Variants in PFKL observed in about 807,000 individuals in gnomAD.
PFKL encodes the protein ATP-dependent 6-phosphofructokinase, liver type.
PFKL carries 74 observed loss-of-function variants against 92.1 expected under a neutral mutation model. That is an observed-to-expected ratio of 0.80 (90% CI 0.67 to 0.97). PFKL has a LOEUF of 0.97. Ranked by LOEUF, PFKL falls within the 50% of genes least tolerant of loss-of-function variation. The probability of loss-of-function intolerance (pLI) is 0.00; values close to 1 mark genes in which losing one functional copy is unlikely to be tolerated. For synonymous variants in PFKL, 494 were observed against 456.4 expected, an observed-to-expected ratio of 1.08 and a Z score of -1.05; for missense variants, 1,028 against 1,116.6, an observed-to-expected ratio of 0.92 and a Z score of 1.13.
At chr21:44,300,242 G>T (rs1451403023) in intron 1 of PFKL, 52 bp downstream of exon 1, 2 of 883,310 alleles carry the variant, frequency 2.3e-6, no homozygotes, top group Non-Finnish European at 2.8e-6. Flanking sequence ...GGGCGCCTCC[G>T]CCCTGGCCTC....
chr21:44,313,947 G>A lies in PFKL; in HGVS notation c.673G>A (p.Ala225Thr), dbSNP rs745419153. ...LALVSALASGADWLFIPEAPP... is the reference protein window; with the variant it reads ...LALVSALASGTDWLFIPEAPP... ...GCTGGTATCTGCACTGGCCTCAGGG[G>A]CCGACTGGCTGTTCATCCCCGAGGC... Residue 225 changes from alanine (A) to threonine (T), a missense_variant, in exon 7 of 22, where the codon GCC (alanine) becomes ACC (threonine). Coordinates refer to ENST00000349048, the MANE Select transcript of PFKL (RefSeq NM_002626.6). The A allele has an allele frequency of 6.2e-7, 1 of 1,605,654 alleles. No individual in the cohort carries two copies. Among genetic ancestry groups the A allele is most frequent in the Non-Finnish European group, 8.5e-7 (1 of 1,177,648 alleles).
chr21:44,305,376 G>A (rs1428177756), intron 1 of PFKL: 2 of 1,364,276 alleles, frequency 1.5e-6, no homozygotes, highest in Non-Finnish European at 2.0e-6. Context: ...GGGTCTCCAT[G>A]TTCAAGGGAG....
intron 21 of PFKL, 50 bp downstream of exon 21, chr21:44,326,314 C>A (rs1429055560): frequency 4.3e-6 from 6 of 1,384,876 alleles, no homozygotes; most frequent in Non-Finnish European, 6.1e-6. Context: ...AGGGGTGGCC[C>A]AGACCTTCCC....
intron 1 of PFKL, chr21:44,304,298 C>T (rs2040863182): frequency 7.8e-7 from 1 of 1,289,130 alleles, no homozygotes; most frequent in Non-Finnish European, 1.0e-6. Flanking sequence ...CCCACCAGGC[C>T]CCCTGCTGAG....
chr21:44,324,371 T>C (rs1333043536), intron 16 of PFKL, 120 bp from the exon 17 acceptor site: 4 of 996,600 alleles, frequency 4.0e-6, no homozygotes, highest in Non-Finnish European at 5.9e-6. Flanking sequence ...GCTGGCTGTC[T>C]GGGTGCGTCA....
chr21:44,324,716 C>T lies in PFKL; in HGVS notation c.1815+61C>T, dbSNP rs576427120. 36 of 1,560,150 alleles carry T rather than the reference C, an allele frequency of 2.3e-5. No homozygotes were observed. The African/African-American group carries it at 4.2e-4, about 18-fold the overall frequency. On this transcript the variant is annotated intron_variant, in intron 17 of 21. Coordinates refer to ENST00000349048, the MANE Select transcript of PFKL (RefSeq NM_002626.6). Reference sequence around the variant, plus strand: ...CCGGCATGCCAGCCTGGGCCCCAGACACTCAGGCCGGCCAGCGCAGGGCAG... The same window carrying T: ...CCGGCATGCCAGCCTGGGCCCCAGATACTCAGGCCGGCCAGCGCAGGGCAG...
At chr21:44,319,663 G>A (rs1290320101) in intron 11 of PFKL, 1 of 575,338 alleles carries the variant, frequency 1.7e-6, no homozygotes. Flanking sequence ...GCGAGGGGAT[G>A]AGAAGCTGTG....
At chr21:44,322,005 G>C (rs2047368070) in intron 13 of PFKL, 128 bp from the exon 14 acceptor site, 2 of 1,438,522 alleles carry the variant, frequency 1.4e-6, no homozygotes, top group Admixed American at 2.2e-5. Flanking sequence ...GCCCACCCGG[G>C]CCTGGGTACT....
chr21:44,316,369 G>T, intron 8 of PFKL, 30 bp downstream of exon 8: 1 of 1,610,086 alleles, frequency 6.2e-7, no homozygotes, highest in African/African-American at 1.3e-5. Context: ...TGGCCACTGG[G>T]CACCTGCTCC....
At position 44,326,735 on chromosome 21, in the gene PFKL, AG is replaced by A. The variant is rs1362656094; in HGVS notation, c.2217del (p.Gln739HisfsTer4). ...TDFEHRMPRE[Q>X]WWLSLRLMLK... ...CACAGGCACCGCATGCCACGGGAGCAGTGGTGGCTGAGCCTGCGGCTCATGC... is the reference window on the plus strand; with the variant it reads ...CACAGGCACCGCATGCCACGGGAGCATGGTGGCTGAGCCTGCGGCTCATGC... On this transcript the variant is annotated frameshift_variant, in exon 22 of 22. Transcript: ENST00000349048. LOFTEE classifies it low-confidence loss of function (END_TRUNC). The A allele has an allele frequency of 9.9e-6, 16 of 1,611,578 alleles. No individual in the cohort carries two copies.
At chr21:44,306,364 C>T (rs2040943453) in intron 1 of PFKL, among the ~76,000 whole-genome samples, 1 of 152,170 alleles carries the variant, frequency 6.6e-6, no homozygotes, top group Non-Finnish European at 1.5e-5. Flanking sequence ...AAGCCTAGAG[C>T]CTGCTGGGTT....
chr21:44,307,338 C>T (rs2040980105), intron 2 of PFKL: 4 of 983,652 alleles, frequency 4.1e-6, no homozygotes, highest in Middle Eastern at 5.2e-4. Context: ...GGTATTTACA[C>T]ACCCACACTT....
intron 1 of PFKL, chr21:44,305,280 G>A: frequency 2.2e-6 from 3 of 1,352,150 alleles, no homozygotes; most frequent in Non-Finnish European, 3.0e-6. Context: ...CCTCACACCT[G>A]CTCCCTGCTG....
intron 12 of PFKL, 75 bp from the exon 13 acceptor site, chr21:44,321,654 C>T: frequency 7.0e-7 from 1 of 1,421,630 alleles, no homozygotes; most frequent in African/African-American, 1.5e-5. Context: ...AACCTGCCGG[C>T]CTGCTGACCT....
rs551957297 is a variant in PFKL, at chr21:44,321,503, AG to A, written c.1192-221del. ...CTGCCTCCTCTGTTGCCTGCGTGCC[AG>A]GGGGCCAGGCTTGCACCGTGTCTCT... is the stretch of plus-strand genomic sequence containing the variant. On this transcript the variant is annotated intron_variant, in intron 12 of 21. Transcript: ENST00000349048. 610 of 328,120 alleles carry A rather than the reference AG, an allele frequency of 1.9e-3. 2 individuals are homozygous for A. Among genetic ancestry groups the A allele is most frequent in the African/African-American group, 0.013 (574 of 45,780 alleles). 20.3% of individuals were successfully genotyped at this position (328,120 alleles called of 1,614,324 possible). A position where few individuals can be genotyped will look rare whatever the true frequency, so the allele number is the denominator to read the frequency against.
chr21:44,324,564 A>G lies in PFKL; in HGVS notation c.1724A>G (p.Tyr575Cys), dbSNP rs772997676. ...TTCATCGTGGAGACCATGGGGGGTT[A>G]CTGTGGCTACCTGGCCACCGTGACT... ...RVFIVETMGG[Y>C]CGYLATVTGI... The change falls in exon 17 of 22, where the codon TAC becomes TGC. Residue 575 changes from tyrosine to cysteine, a missense_variant. Physicochemically the swap from Tyr to Cys is radical, Grantham distance 194. Coordinates refer to ENST00000349048, the MANE Select transcript of PFKL (RefSeq NM_002626.6). 7.4e-6 allele frequency: 12 copies of G among 1,613,160 alleles called. No individual in the cohort carries two copies. The Admixed American group carries it at 2.0e-4, about 27-fold the overall frequency.
intron 17 of PFKL, 55 bp from the exon 18 acceptor site, chr21:44,324,799 AGC>A: frequency 6.3e-7 from 1 of 1,589,918 alleles, no homozygotes; most frequent in Non-Finnish European, 8.6e-7. Context: ...ATCGCCGGTC[AGC>A]CTGGAATTCC....
Position 44,305,455 on chromosome 21 carries a change from G to C in PFKL, c.86-1226G>C, listed in dbSNP as rs777388200. On this transcript the variant is annotated intron_variant, in intron 1 of 21. Coordinates refer to ENST00000349048, the MANE Select transcript of PFKL (RefSeq NM_002626.6). ...AGCCTCTGCAAGTACAGGGGGGTGG[G>C]AGGGCAGGGGCTTTTGAGGGGCACG... is the stretch of plus-strand genomic sequence containing the variant. 8 of 1,162,308 alleles carry C rather than the reference G, an allele frequency of 6.9e-6. No homozygotes were observed. In the Admixed American group the frequency reaches 1.5e-4, roughly 21 times the overall value. 72.0% of individuals were successfully genotyped at this position (1,162,308 alleles called of 1,614,324 possible).
At chr21:44,311,311 C>T (rs1021315368) in intron 3 of PFKL, among the ~76,000 whole-genome samples, 3 of 149,804 alleles carry the variant, frequency 2.0e-5, no homozygotes, top group African/African-American at 5.1e-5. Context: ...GACACAGACA[C>T]GTGCACAGAC....
Sources: gnomAD v4.1 joint callset for allele counts (sites outside exome capture counted in the v4.1 genomes callset) on GRCh38, gnomAD v4.1.1 for gene constraint, MANE v1.5 for transcripts, NCBI Gene and HGNC (gene_info 2026-07-23, HGNC 2026-07-21) for gene names.